The following PKHD1 variants were observed in gnomAD, a reference collection of about 807,000 sequenced individuals.
PKHD1 encodes PKHD1 ciliary IPT domain containing fibrocystin/polyductin.
Under a neutral mutation model 412.0 loss-of-function variants are expected in PKHD1, and 291 were observed. The ratio of observed to expected loss-of-function variants is 0.71; its 90% confidence interval spans 0.64 to 0.78. The LOEUF is 0.78. PKHD1 is among the 30% of genes least tolerant of loss of function. The pLI is 0.00. For missense variants in PKHD1, 4,825 were observed against 4,950.7 expected, an observed-to-expected ratio of 0.97 and a Z score of 0.76; for synonymous variants, 1,777 against 1,821.5, an observed-to-expected ratio of 0.98 and a Z score of 0.62.
chr6:51,982,173 C>A (rs1424818408), intron 35 of PKHD1, among the ~76,000 whole-genome samples: 7 of 43,616 alleles, frequency 1.6e-4, no homozygotes, highest in East Asian at 1.6e-3. Flanking sequence ...GCCACCCCGT[C>A]CGGGAGGGAG....
At chr6:51,758,514 A>G (rs986905075) in intron 55 of PKHD1, among the ~76,000 whole-genome samples, 4 of 152,172 alleles carry the variant, frequency 2.6e-5, no homozygotes, top group African/African-American at 9.7e-5. Flanking sequence ...TATTCTCTGT[A>G]TTTTATTCCT....
chr6:51,840,372 T>C (rs1435740462), intron 50 of PKHD1, among the ~76,000 whole-genome samples: 1 of 152,154 alleles, frequency 6.6e-6, no homozygotes. Flanking sequence ...CTATTATCCC[T>C]GTATCATTCA....
chr6:52,015,361 T>C (rs1280311487), intron 34 of PKHD1, among the ~76,000 whole-genome samples: 1 of 152,138 alleles, frequency 6.6e-6, no homozygotes, highest in Non-Finnish European at 1.5e-5. Context: ...GGTCACAGAG[T>C]ATAAAGAATT....
chr6:51,834,562 T>A (rs1768853489), intron 51 of PKHD1, among the ~76,000 whole-genome samples: 1 of 151,748 alleles, frequency 6.6e-6, no homozygotes, highest in Non-Finnish European at 1.5e-5. Context: ...TCATTCATTC[T>A]TAGTTTTGGC....
chr6:52,014,751 T>C (rs1051280312), intron 34 of PKHD1, among the ~76,000 whole-genome samples: 1 of 139,788 alleles, frequency 7.2e-6, no homozygotes, highest in Non-Finnish European at 1.5e-5. Flanking sequence ...GATGGATGGA[T>C]GGATGGATGG....
rs889942242 is a variant in PKHD1 at position 51,766,690 on chromosome 6, C to CT, written c.8642+6011dup. 8.1e-5 allele frequency among the ~76,000 whole-genome samples: 12 copies of CT among 148,218 alleles called. No homozygotes were observed. The South Asian group carries it at 8.5e-4, about 10-fold the overall frequency. On this transcript the variant is annotated intron_variant, in intron 55 of 66. Coordinates refer to ENST00000371117, the MANE Select transcript of PKHD1 (RefSeq NM_138694.4). ...TACTATTGTATGCTGCAAATATTTT[C>CT]TTTTTTTTTAATTTTGTTATTATTA...
rs771403916 is a variant in PKHD1 at position 51,972,612 on chromosome 6, C to T, written c.5752-12586G>A. ...AAACCATCACCCTCATCTTTGTGAA[C>T]ATTTACTGGGTGCTCACTCTGAGCC... is the stretch of plus-strand genomic sequence containing the variant. On this transcript the variant is annotated intron_variant, in intron 35 of 66. Coordinates refer to ENST00000371117, the MANE Select transcript of PKHD1 (RefSeq NM_138694.4). 6.6e-4 allele frequency among the ~76,000 whole-genome samples: 101 copies of T among 152,320 alleles called. 2 individuals are homozygous for T. The highest frequency in any genetic ancestry group is 4.7e-3 in the Admixed American group (72 of 15,302).
intron 65 of PKHD1, 81 bp downstream of exon 65, chr6:51,632,484 G>T (rs1445420252): frequency 1.6e-6 from 2 of 1,223,808 alleles, no homozygotes; most frequent in Non-Finnish European, 2.3e-6. Flanking sequence ...TTTGGGGAAA[G>T]AAACAGAATC....
At chr6:51,981,080 T>C (rs1795081998) in intron 35 of PKHD1, among the ~76,000 whole-genome samples, 1 of 151,942 alleles carries the variant, frequency 6.6e-6, no homozygotes, top group Non-Finnish European at 1.5e-5. Flanking sequence ...ACAGCGTTTA[T>C]AACCTATTTG....
Position 51,934,178 on chromosome 6 carries a change from T to C in PKHD1, c.6053A>G (p.Tyr2018Cys), listed in dbSNP as rs991457199. 10 of 1,613,328 alleles carry C rather than the reference T, an allele frequency of 6.2e-6. 1 individual carries two copies. The highest frequency in any genetic ancestry group is 6.8e-6 in the Non-Finnish European group (8 of 1,179,424). The change falls in exon 37 of 67, where the codon TAC becomes TGC. Residue 2018 changes from tyrosine to cysteine, a missense_variant. Tyr to Cys is a radical substitution (Grantham distance 194, BLOSUM62 -2). Transcript: ENST00000371117. ...RAQITLYGSS[Y>C]STPFFPYGVK... ...TCCATAGGGAAAGAAGGGAGTTGAGTAGGAACTCCCGTAGAGTGTGATCTG... is the reference window on the plus strand; with the variant it reads ...TCCATAGGGAAAGAAGGGAGTTGAGCAGGAACTCCCGTAGAGTGTGATCTG...
chr6:51,802,960 T>C (rs1326868280), intron 52 of PKHD1, among the ~76,000 whole-genome samples: 1 of 136,974 alleles, frequency 7.3e-6, no homozygotes, highest in African/African-American at 2.7e-5. Context: ...GCTTGTATCC[T>C]ATTTGTTTGT....
chr6:51,672,912 C>A (rs1167701229), intron 60 of PKHD1, among the ~76,000 whole-genome samples: 1 of 152,148 alleles, frequency 6.6e-6, no homozygotes, highest in African/African-American at 2.4e-5. Flanking sequence ...ATGACAATTT[C>A]AATGTTATCA....
At chr6:51,632,323 A>C (rs1768026695) in intron 65 of PKHD1, among the ~76,000 whole-genome samples, 16 of 152,116 alleles carry the variant, frequency 1.1e-4, no homozygotes, top group Admixed American at 9.8e-4. Flanking sequence ...AGTGCTCAGA[A>C]TGTGTTCCAT....
intron 60 of PKHD1, among the ~76,000 whole-genome samples, chr6:51,720,185 A>T (rs1484704366): frequency 6.6e-6 from 1 of 152,232 alleles, no homozygotes; most frequent in Non-Finnish European, 1.5e-5. Context: ...CAGAGTAATC[A>T]ACATCACCAC....
intron 66 of PKHD1, among the ~76,000 whole-genome samples, chr6:51,623,556 C>T (rs1223297220): frequency 6.6e-6 from 1 of 151,788 alleles, no homozygotes; most frequent in East Asian, 1.9e-4. Context: ...CATCATTGTC[C>T]TCCTAATTTG....
intron 29 of PKHD1, among the ~76,000 whole-genome samples, chr6:52,030,296 C>T (rs1802846863): frequency 1.3e-5 from 2 of 152,156 alleles, no homozygotes; most frequent in African/African-American, 4.8e-5. Flanking sequence ...CTCTCAAAGC[C>T]TTGGATTTTT....
At chr6:51,983,996 G>A (rs939428808) in intron 35 of PKHD1, among the ~76,000 whole-genome samples, 2 of 152,210 alleles carry the variant, frequency 1.3e-5, no homozygotes, top group South Asian at 4.1e-4. Flanking sequence ...TTGTTTTCAA[G>A]TCTAGCAGGA....
chr6:51,869,124 T>C (rs980547587), intron 47 of PKHD1, among the ~76,000 whole-genome samples: 4 of 152,156 alleles, frequency 2.6e-5, no homozygotes, highest in East Asian at 3.8e-4. Flanking sequence ...GGCTACACAA[T>C]TGCACCTCTT....
At chr6:52,038,495 G>A (rs1804305356) in intron 27 of PKHD1, among the ~76,000 whole-genome samples, 1 of 152,070 alleles carries the variant, frequency 6.6e-6, no homozygotes, top group South Asian at 2.1e-4. Flanking sequence ...ACCAGCCAAG[G>A]AACACCAAAG....
Sources: allele counts gnomAD v4.1 joint callset (sites outside exome capture counted in the v4.1 genomes callset), GRCh38; gene constraint gnomAD v4.1.1; transcripts MANE v1.5; gene names NCBI Gene and HGNC (gene_info 2026-07-23, HGNC 2026-07-21).